The following RARB variants were observed in gnomAD, a reference collection of about 807,000 sequenced individuals.
The protein encoded by RARB is HBV-activated protein.
RARB carries 17 observed loss-of-function variants against 51.9 expected under a neutral mutation model. That is an observed-to-expected ratio of 0.33 (90% CI 0.22 to 0.49). The LOEUF (loss-of-function observed/expected upper bound fraction) is 0.49. RARB is among the 20% of genes least tolerant of loss of function. RARB has a pLI of 0.99. For missense variants in RARB, 369 were observed against 550.8 expected, an observed-to-expected ratio of 0.67 and a Z score of 3.30; for synonymous variants, 215 against 195.4, an observed-to-expected ratio of 1.10 and a Z score of -0.84.
intron 2 of RARB, among the ~76,000 whole-genome samples, chr3:25,009,846 G>A (rs1290532192): frequency 2.6e-5 from 4 of 152,034 alleles, no homozygotes; most frequent in Non-Finnish European, 5.9e-5. Flanking sequence ...CAGGTTTAGG[G>A]GAAGCAGTGG....
intron 2 of RARB, among the ~76,000 whole-genome samples, chr3:24,966,234 T>C (rs1401383753): frequency 1.3e-5 from 2 of 151,836 alleles, no homozygotes; most frequent in African/African-American, 4.8e-5. Flanking sequence ...TTTGGGAAAC[T>C]AGAAGGAGGG....
At chr3:25,045,583 T>C (rs1375228470) in intron 2 of RARB, among the ~76,000 whole-genome samples, 1 of 152,212 alleles carries the variant, frequency 6.6e-6, no homozygotes, top group East Asian at 1.9e-4. Context: ...CTACAGTGTG[T>C]GAGTTGGTTT....
intron 3 of RARB, among the ~76,000 whole-genome samples, chr3:25,516,685 G>C (rs1203823402): frequency 6.8e-6 from 1 of 146,926 alleles, no homozygotes. Flanking sequence ...GGAGTGCAGT[G>C]ATGCAATCTT....
At chr3:25,593,372 C>T in intron 5 of RARB, 131 bp from the exon 6 acceptor site, 4 of 813,028 alleles carry the variant, frequency 4.9e-6, no homozygotes, top group Non-Finnish European at 5.8e-6. Context: ...AGAAGACATT[C>T]AACATGTGAA....
At chr3:25,460,428 T>TTTTATTTATTTATTTATTTA (rs58159674) in intron 1 of RARB, among the ~76,000 whole-genome samples, 2,042 of 145,654 alleles carry the variant, frequency 0.014, 22 homozygotes, top group African/African-American at 0.023. Flanking sequence ...ATTTTAAAAT[T>TTTTATTTATTTATTTATTTA]TTTATTTATT....
At chr3:25,200,520 G>A (rs1203352526) in intron 5 of RARB, among the ~76,000 whole-genome samples, 2 of 152,098 alleles carry the variant, frequency 1.3e-5, no homozygotes, top group African/African-American at 4.8e-5. Context: ...CCTTGCCCAT[G>A]TCTATGTCCT....
At chr3:24,884,500 C>A (rs1031961620) in intron 2 of RARB, among the ~76,000 whole-genome samples, 1 of 151,990 alleles carries the variant, frequency 6.6e-6, no homozygotes, top group Non-Finnish European at 1.5e-5. Flanking sequence ...GATTTTTTTC[C>A]CCAAGGATTA....
intron 5 of RARB, among the ~76,000 whole-genome samples, chr3:25,365,816 T>C (rs906535509): frequency 1.3e-5 from 2 of 152,156 alleles, no homozygotes; most frequent in Non-Finnish European, 2.9e-5. Flanking sequence ...GCAGCTCCAG[T>C]ACAACTATTT....
chr3:24,864,434 T>A (rs1702811782), intron 2 of RARB, among the ~76,000 whole-genome samples: 2 of 152,202 alleles, frequency 1.3e-5, no homozygotes, highest in African/African-American at 4.8e-5. Context: ...CATGTGTTGC[T>A]GGGGCAATGT....
At chr3:25,208,202 A>G (rs1419778314) in intron 5 of RARB, among the ~76,000 whole-genome samples, 5 of 152,204 alleles carry the variant, frequency 3.3e-5, no homozygotes, top group Non-Finnish European at 7.3e-5. Context: ...TTACATCTCA[A>G]CTGAAGATTT....
In RARB at chr3:25,357,610, G is replaced by A. The variant is rs1203551730; in HGVS notation, c.179-103583G>A. ...CCATGCCTATGTCCTGAATGGTGTT[G>A]CCTAGGTTTTCTTCTAGGGTTTTTA... On this transcript the variant is annotated intron_variant, in intron 5 of 11. Coordinates refer to the RARB transcript ENST00000383772. 2.0e-5 allele frequency among the ~76,000 whole-genome samples: 3 copies of A among 152,128 alleles called. 1 individual carries two copies. The highest frequency in any genetic ancestry group is 2.9e-5 in the Non-Finnish European group (2 of 68,008).
chr3:25,594,100 G>A (rs1701720694), intron 6 of RARB, among the ~76,000 whole-genome samples: 1 of 152,150 alleles, frequency 6.6e-6, no homozygotes, highest in Non-Finnish European at 1.5e-5. Context: ...TTGCAGGACT[G>A]GGATAAAATT....
In RARB at chr3:25,408,429, C is replaced by T. The variant is rs116629350; in HGVS notation, c.179-52764C>T. On this transcript the variant is annotated intron_variant, in intron 5 of 11. Transcript: ENST00000383772. Reference sequence around the variant, plus strand: ...GGGAGAAGTGCCACAGACTTTTGAACTCTCAGATCTCATGAGAACTTACTA... The same window carrying T: ...GGGAGAAGTGCCACAGACTTTTGAATTCTCAGATCTCATGAGAACTTACTA... Among the ~76,000 whole-genome samples the T allele has an allele frequency of 3.5e-3, 525 of 152,128 alleles. 8 individuals are homozygous for T. The highest frequency in any genetic ancestry group is 0.012 in the African/African-American group (495 of 41,502).
At chr3:25,024,404 C>G (rs1171648721) in intron 2 of RARB, among the ~76,000 whole-genome samples, 1 of 152,056 alleles carries the variant, frequency 6.6e-6, no homozygotes, top group Non-Finnish European at 1.5e-5. Flanking sequence ...TTGTGTTGTG[C>G]TTTCTAATTC....
chr3:25,587,088 T>G lies in RARB; in HGVS notation c.786+6366T>G, dbSNP rs111839694. On this transcript the variant is annotated intron_variant, in intron 5 of 7. Transcript: ENST00000330688. ...GAACTTAGGGAAGCTAACTGACCTC[T>G]CTAAGCCTCAGTTTCCTCACCAATT... Among the ~76,000 whole-genome samples the G allele has an allele frequency of 5.2e-4, 79 of 152,330 alleles. 1 individual carries two copies. The highest frequency in any genetic ancestry group is 1.9e-3 in the African/African-American group (78 of 41,552).
chr3:25,012,202 A>G (rs1697413526), intron 2 of RARB, among the ~76,000 whole-genome samples: 1 of 152,106 alleles, frequency 6.6e-6, no homozygotes, highest in Admixed American at 6.6e-5. Context: ...TCAAAAGCAT[A>G]TTGATGCATA....
intron 2 of RARB, among the ~76,000 whole-genome samples, chr3:24,978,065 G>A (rs558838481): frequency 6.6e-5 from 10 of 152,198 alleles, no homozygotes; most frequent in East Asian, 5.8e-4. Flanking sequence ...ATTGATTTGC[G>A]TATGTTGAAC....
intron 4 of RARB, among the ~76,000 whole-genome samples, chr3:25,574,374 C>G (rs2125294719): frequency 6.6e-6 from 1 of 152,356 alleles, no homozygotes; most frequent in African/African-American, 2.4e-5. Context: ...TATGGAGCGC[C>G]TTGCACAGTT....
chr3:25,026,746 T>C (rs1697758392), intron 2 of RARB, among the ~76,000 whole-genome samples: 1 of 152,224 alleles, frequency 6.6e-6, no homozygotes, highest in Non-Finnish European at 1.5e-5. Flanking sequence ...AAAAAAATAC[T>C]ATTTGTAGCA....
Sources: gnomAD v4.1 joint callset for allele counts (sites outside exome capture counted in the v4.1 genomes callset) on GRCh38, gnomAD v4.1.1 for gene constraint, MANE v1.5 for transcripts, NCBI Gene and HGNC (gene_info 2026-07-23, HGNC 2026-07-21) for gene names.